Variants in ROBO2 observed in about 807,000 individuals in gnomAD.
ROBO2 encodes the protein roundabout homolog 2.
In ROBO2, 53 loss-of-function variants were observed where a neutral mutation model predicts 160.8. The ratio of observed to expected loss-of-function variants is 0.33; its 90% CI spans 0.26 to 0.41. ROBO2 has a LOEUF of 0.41. ROBO2 is among the 10% of genes least tolerant of loss of function. The probability of loss-of-function intolerance (pLI) is 1.00; values close to 1 mark genes in which losing one functional copy is unlikely to be tolerated. For synonymous variants in ROBO2, 664 were observed against 611.7 expected (o/e 1.09, Z -1.26); for missense variants, 1,577 against 1,722.4 (o/e 0.92, Z 1.49).
intron 22 of ROBO2, 162 bp downstream of exon 23, chr3:77,617,935 T>G: frequency 3.7e-6 from 3 of 803,844 alleles, no homozygotes; most frequent in Non-Finnish European, 5.8e-6. Flanking sequence ...TGAGAAATGT[T>G]AAATAATTTG....
chr3:76,677,533 G>A (rs2092440753), intron 2 of ROBO2, among the ~76,000 whole-genome samples: 1 of 152,058 alleles, frequency 6.6e-6, no homozygotes, highest in Admixed American at 6.6e-5. Flanking sequence ...AATCTGTAGA[G>A]AAACAATCAT....
intron 2 of ROBO2, among the ~76,000 whole-genome samples, chr3:76,530,639 A>C (rs964296435): frequency 1.3e-5 from 2 of 152,124 alleles, no homozygotes; most frequent in Admixed American, 6.6e-5. Context: ...GAAATATGCA[A>C]AGCCCTATTT....
chr3:76,775,766 C>A lies in ROBO2; in HGVS notation c.110-322248C>A, dbSNP rs541627253. ...TATTTAATTGTTCACTCTTACTAAG[C>A]CTTCAAATTGTATTACGAAGCTTAG... On this transcript the variant is annotated intron_variant, in intron 2 of 26. Transcript: ENST00000487694. Among the ~76,000 whole-genome samples the A allele has an allele frequency of 7.8e-4, 103 of 131,380 alleles. 1 individual carries two copies. Among genetic ancestry groups the A allele is most frequent in the African/African-American group, 2.6e-3 (93 of 35,706 alleles). 86.2% of individuals were successfully genotyped at this position (131,380 alleles called of 152,430 possible). A position where few individuals can be genotyped will look rare whatever the true frequency, so the allele number is the denominator to read the frequency against.
intron 2 of ROBO2, among the ~76,000 whole-genome samples, chr3:75,952,134 A>G (rs1948563330): frequency 6.6e-6 from 1 of 151,986 alleles, no homozygotes; most frequent in African/African-American, 2.4e-5. Context: ...TTAATCCTAC[A>G]TTGAAATGAC....
chr3:77,495,039 G>A (rs1418115725), intron 5 of ROBO2, among the ~76,000 whole-genome samples: 1 of 152,130 alleles, frequency 6.6e-6, no homozygotes, highest in African/African-American at 2.4e-5. Flanking sequence ...TGGAGAAGCA[G>A]GTTAGAAAAC....
chr3:76,299,565 A>G (rs146754484), intron 2 of ROBO2, among the ~76,000 whole-genome samples: 6,288 of 152,126 alleles, frequency 0.041, 378 homozygotes, highest in African/African-American at 0.12. Context: ...TCAAATGGGG[A>G]GATGATGCAA....
At chr3:77,451,755 T>C (rs2081133523) in intron 2 of ROBO2, among the ~76,000 whole-genome samples, 1 of 129,998 alleles carries the variant, frequency 7.7e-6, no homozygotes, top group Admixed American at 7.6e-5. Flanking sequence ...ATTCTGACTC[T>C]AAAAAGCAAA....
chr3:76,522,103 G>A (rs1577863520), intron 2 of ROBO2, among the ~76,000 whole-genome samples: 1 of 152,150 alleles, frequency 6.6e-6, no homozygotes, highest in African/African-American at 2.4e-5. Flanking sequence ...AATAGCATTT[G>A]CATTGTGGGC....
At position 76,472,005 on chromosome 3, in the gene ROBO2, T is replaced by TGAGAG. The variant is rs564174749; in HGVS notation, c.109+534407_109+534408insGGAGA. Among the ~76,000 whole-genome samples the TGAGAG allele has an allele frequency of 2.5e-4, 38 of 151,688 alleles. No homozygotes were observed. In the South Asian group the frequency reaches 4.8e-3, roughly 19 times the overall value. On this transcript the variant is annotated intron_variant, in intron 2 of 26. Coordinates refer to the ROBO2 transcript ENST00000487694. ...AGATTATGGGAACTACAATTCAAGA[T>TGAGAG]GAGATTTGGGTGGGGACACAGCCAA... is the stretch of plus-strand genomic sequence containing the variant.
intron 2 of ROBO2, among the ~76,000 whole-genome samples, chr3:76,962,148 A>G (rs1194593342): frequency 6.6e-6 from 1 of 152,172 alleles, no homozygotes; most frequent in Non-Finnish European, 1.5e-5. Context: ...CAGACTGGCC[A>G]ACATGCCACA....
chr3:76,360,541 G>A (rs1024273951), intron 2 of ROBO2, among the ~76,000 whole-genome samples: 4 of 152,040 alleles, frequency 2.6e-5, no homozygotes, highest in Non-Finnish European at 2.9e-5. Context: ...ATAAACTTTC[G>A]CTTAGTAAGG....
At chr3:76,676,194 A>G (rs2092402755) in intron 2 of ROBO2, among the ~76,000 whole-genome samples, 1 of 151,768 alleles carries the variant, frequency 6.6e-6, no homozygotes, top group Non-Finnish European at 1.5e-5. Context: ...GTGTTGGGGG[A>G]GGGGCCTCTT....
At chr3:76,094,155 CAAG>C (rs1429487296) in intron 2 of ROBO2, among the ~76,000 whole-genome samples, 5 of 152,064 alleles carry the variant, frequency 3.3e-5, no homozygotes, top group African/African-American at 1.2e-4. Flanking sequence ...CACACACACA[CAAG>C]CACACACAAT....
chr3:76,173,157 G>C (rs2073105444), intron 2 of ROBO2, among the ~76,000 whole-genome samples: 1 of 151,408 alleles, frequency 6.6e-6, no homozygotes, highest in Non-Finnish European at 1.5e-5. Flanking sequence ...AAAATTCTTT[G>C]AATCCACTTT....
intron 2 of ROBO2, among the ~76,000 whole-genome samples, chr3:77,343,767 T>TG (rs1363124903): frequency 6.6e-6 from 1 of 152,084 alleles, no homozygotes; most frequent in Non-Finnish European, 1.5e-5. Flanking sequence ...GTTTGACAGT[T>TG]GAAGAAATAA....
intron 2 of ROBO2, among the ~76,000 whole-genome samples, chr3:76,786,241 G>A (rs972655552): frequency 7.9e-5 from 12 of 151,206 alleles, no homozygotes; most frequent in Admixed American, 2.0e-4. Context: ...TGATGCAGGA[G>A]AATACTGAAT....
chr3:76,723,425 G>C (rs897641659), intron 2 of ROBO2, among the ~76,000 whole-genome samples: 2 of 152,058 alleles, frequency 1.3e-5, no homozygotes, highest in African/African-American at 4.8e-5. Flanking sequence ...CTATTTGTTT[G>C]CTTTATTTAA....
At chr3:76,323,374 A>T (rs570196724) in intron 2 of ROBO2, among the ~76,000 whole-genome samples, 1 of 152,182 alleles carries the variant, frequency 6.6e-6, no homozygotes, top group Non-Finnish European at 1.5e-5. Flanking sequence ...TAGGCTCATT[A>T]TAGATGTGAA....
intron 2 of ROBO2, among the ~76,000 whole-genome samples, chr3:76,094,751 A>C (rs917307166): frequency 6.6e-6 from 1 of 152,252 alleles, no homozygotes; most frequent in Non-Finnish European, 1.5e-5. Context: ...AAAAGAATAA[A>C]TAAGGGAGAA....
Sources: gnomAD v4.1 joint callset for allele counts (sites outside exome capture counted in the v4.1 genomes callset) on GRCh38, gnomAD v4.1.1 for gene constraint, MANE v1.5 for transcripts, NCBI Gene and HGNC (gene_info 2026-07-23, HGNC 2026-07-21) for gene names.